Variants in DDX27 observed in about 807,000 individuals in gnomAD.
DDX27 encodes DEAD-box helicase 27.
A neutral mutation model predicts 99.3 loss-of-function variants in DDX27; 42 were observed. That is an observed-to-expected ratio of 0.42 (90% CI 0.33 to 0.55). The LOEUF is 0.55. DDX27 is among the 20% of genes least tolerant of loss of function. The pLI, the probability that DDX27 is intolerant of heterozygous loss-of-function variation, is 0.07. For synonymous variants in DDX27, 329 were observed against 353.8 expected (o/e 0.93, Z 0.79); for missense variants, 798 against 976.8 (o/e 0.82, Z 2.44).
chr20:49,243,978 G>A lies in DDX27; in HGVS notation c.*144G>A, dbSNP rs1568978817. The A allele has an allele frequency of 1.3e-5, 12 of 908,000 alleles. No individual in the cohort carries two copies. The highest frequency in any genetic ancestry group is 2.6e-5 in the East Asian group (1 of 38,020). The allele number at this position is 908,000 out of a possible 1,614,324, so 56.2% of individuals were successfully genotyped here. A position where few individuals can be genotyped will look rare whatever the true frequency, so the allele number is the denominator to read the frequency against. ...ACACTTTGGTGTGGTGGTATGGTAC[G>A]TAGCTATTTTCCTAAGCATGTCTGT... On this transcript the variant is annotated 3_prime_UTR_variant, in exon 21 of 21. Coordinates refer to ENST00000618172, the MANE Select transcript of DDX27 (RefSeq NM_017895.8).
chr20:49,229,330 G>A (rs766336341), intron 8 of DDX27, among the ~76,000 whole-genome samples: 8 of 152,014 alleles, frequency 5.3e-5, no homozygotes, highest in Non-Finnish European at 8.8e-5. Context: ...GCACCCAGCC[G>A]ACATGTTTTC....
chr20:49,239,043 G>T lies in DDX27; in HGVS notation c.1782G>T (p.Gln594His). The T allele has an allele frequency of 6.2e-7, 1 of 1,613,802 alleles. No homozygotes were observed. Residue 594 changes from glutamine (Q) to histidine (H), a missense_variant, in exon 15 of 21, where the codon CAG becomes CAT. Physicochemically the swap from Gln to His is conservative, Grantham distance 24 (BLOSUM62 0). This residue lies in a region of DDX27 where 553 missense variants were observed against 727.9 expected (regional missense o/e 0.76). Transcript: ENST00000618172. ...AGGCGGAGGAAAAAGAGATGCAGCA[G>T]TCAGAAGCCCAGGTGAGGCTGCGAG... ...QLEAEEKEMQQSEAQINTAKR... is the reference protein window; with the variant it reads ...QLEAEEKEMQHSEAQINTAKR...
At chr20:49,239,151 C>T (rs1980396161) in intron 15 of DDX27, 85 bp from the exon 16 acceptor site, 1 of 1,526,676 alleles carries the variant, frequency 6.6e-7, no homozygotes, top group South Asian at 1.1e-5. Flanking sequence ...TTTCTCCCAT[C>T]AGAGCCCCAG....
Position 49,236,284 on chromosome 20 carries a change from C to T in DDX27, c.1510-49C>T, listed in dbSNP as rs763541178. The T allele has an allele frequency of 1.9e-5, 30 of 1,573,474 alleles. 1 individual carries two copies. In the South Asian group the frequency reaches 2.0e-4, roughly 10 times the overall value. The stretch of plus-strand genomic sequence containing the variant: ...TTTGGTGGAAGTCTTTTTGCCTCTT[C>T]GCACCCCCCTTCCCTTGCCAGGCCT... On this transcript the variant is annotated intron_variant, in intron 13 of 20. Transcript: ENST00000618172. This position sits in a 1 kb window ranked among gnomAD's most constrained non-coding sequence, Gnocchi z 4.1.
rs567576278 is a variant in DDX27 at position 49,242,609 on chromosome 20, A to C, written c.2132A>C (p.Gln711Pro). 3 of 1,614,220 alleles carry C rather than the reference A, an allele frequency of 1.9e-6. No homozygotes were observed. The highest frequency in any genetic ancestry group is 2.2e-5 in the East Asian group (1 of 44,886). Residue 711 changes from glutamine to proline, a missense_variant, in exon 19 of 21, where the codon CAG (glutamine) becomes CCG (proline). Around this residue, in one of 2 missense-constraint regions of DDX27, gnomAD observed 553 missense variants for 727.9 expected, o/e 0.76. Transcript: ENST00000618172. ...PVRGPAKKQK[Q>P]GKKSVFDEEL... ...CTGTGCACAGCCAAGAAGCAAAAGC[A>C]GGGGAAGAAATCTGTATTTGATGAA...
rs1207036892 is a variant in DDX27, at chr20:49,236,800, T to G, written c.1687+290T>G. Among the ~76,000 whole-genome samples, 1 of 152,194 alleles carries G rather than the reference T, an allele frequency of 6.6e-6. No individual in the cohort carries two copies. The highest frequency in any genetic ancestry group is 2.4e-5 in the African/African-American group (1 of 41,448). On this transcript the variant is annotated intron_variant, in intron 14 of 20. Transcript: ENST00000618172. This position sits in a 1 kb window ranked among gnomAD's most constrained non-coding sequence, Gnocchi z 4.1. ...CTCACTAAACTCCTCTTTCCCTTAC[T>G]GTTGGTGGTGGGGAAGAGAGAGATC...
intron 2 of DDX27, among the ~76,000 whole-genome samples, 192 bp from the exon 3 acceptor site, chr20:49,222,765 G>A (rs779661540): frequency 2.0e-5 from 3 of 151,674 alleles, no homozygotes; most frequent in African/African-American, 4.8e-5. Context: ...TACCCACCTC[G>A]GCCTCCCAAA....
intron 19 of DDX27, among the ~76,000 whole-genome samples, chr20:49,243,302 GA>G (rs1980542646): frequency 6.6e-6 from 1 of 152,118 alleles, no homozygotes; most frequent in African/African-American, 2.4e-5. Flanking sequence ...CCATCCTGCA[GA>G]ACCCCAGAGA....
chr20:49,221,275 T>G (rs1341997569), intron 1 of DDX27, among the ~76,000 whole-genome samples, 177 bp from the exon 2 acceptor site: 1 of 152,204 alleles, frequency 6.6e-6, no homozygotes, highest in Non-Finnish European at 1.5e-5. Flanking sequence ...GTATTTTTAG[T>G]AGAGACTGCG....
rs115515179 is a variant in DDX27, at chr20:49,242,227, A to G, written c.2116+21A>G. ...TCCTGGTAGGTGAATGGGGAGCCCA[A>G]AGGAGCTTGTACAAGGTTTTCCCTG... On this transcript the variant is annotated intron_variant, in intron 18 of 20. Coordinates refer to ENST00000618172, the MANE Select transcript of DDX27 (RefSeq NM_017895.8). 431 of 1,613,372 alleles carry G rather than the reference A, an allele frequency of 2.7e-4. 1 individual carries two copies. The African/African-American group carries it at 5.1e-3, about 19-fold the overall frequency.
rs767741399 is a variant in DDX27, at chr20:49,223,036, T to C, written c.300+20T>C. ...ACAGAGGTGAGAAGAAAAGTGGCTA[T>C]TTTTCGTTGTTAGGGCCCACTCTTT... is the stretch of plus-strand genomic sequence containing the variant. On this transcript the variant is annotated intron_variant, in intron 3 of 20. Transcript: ENST00000618172. The C allele has an allele frequency of 6.2e-7, 1 of 1,608,114 alleles. No homozygotes were observed. Among genetic ancestry groups the C allele is most frequent in the Admixed American group, 1.7e-5 (1 of 59,342 alleles).
chr20:49,242,829 C>T, intron 19 of DDX27, 148 bp downstream of exon 19: 1 of 748,970 alleles, frequency 1.3e-6, no homozygotes, highest in South Asian at 1.8e-5. Flanking sequence ...TCAAGCAATT[C>T]TCCTGCCTCA....
chr20:49,243,307 C>T (rs1980543021), intron 19 of DDX27, among the ~76,000 whole-genome samples: 1 of 152,120 alleles, frequency 6.6e-6, no homozygotes. Context: ...CTGCAGAACC[C>T]CAGAGAATCC....
intron 16 of DDX27, among the ~76,000 whole-genome samples, 189 bp downstream of exon 16, chr20:49,239,527 C>T (rs988052580): frequency 6.6e-6 from 1 of 152,112 alleles, no homozygotes; most frequent in African/African-American, 2.4e-5. Context: ...AAGGAGTGCA[C>T]ACCCTAGATC....
chr20:49,226,512 G>A lies in DDX27; in HGVS notation c.683G>A (p.Cys228Tyr), dbSNP rs1168127147. The A allele has an allele frequency of 1.9e-6, 3 of 1,614,094 alleles. No homozygotes were observed. The highest frequency in any genetic ancestry group is 2.5e-6 in the Non-Finnish European group (3 of 1,179,986). ...GTGGGTCTATTGGGGAAGGACATCT[G>A]TGCCTGTGCAGCCACTGGGACAGGT... ...IPVGLLGKDI[C>Y]ACAATGTGKT... Residue 228 changes from cysteine to tyrosine, a missense_variant, in exon 7 of 21, where the codon TGT becomes TAT. Coordinates refer to ENST00000618172, the MANE Select transcript of DDX27 (RefSeq NM_017895.8).
intron 19 of DDX27, 92 bp from the exon 20 acceptor site, chr20:49,243,537 C>T: frequency 9.0e-7 from 1 of 1,114,218 alleles, no homozygotes. Context: ...AGAGATGCTA[C>T]TGCTTCATGT....
At position 49,226,437 on chromosome 20, in the gene DDX27, C is replaced by T. The variant is rs771587617; in HGVS notation, c.608C>T (p.Thr203Ile). 2 of 1,613,394 alleles carry T rather than the reference C, an allele frequency of 1.2e-6. No individual in the cohort carries two copies. The highest frequency in any genetic ancestry group is 8.5e-7 in the Non-Finnish European group (1 of 1,179,664). Reference protein sequence around the residue: ...NLSRPLLKAITAMGFKQPTPI... With the variant: ...NLSRPLLKAIIAMGFKQPTPI... ...CAGTTCTTTTTTCCTCAGGCCATTACAGCCATGGGCTTCAAGCAGCCCACC... is the reference window on the plus strand; with the variant it reads ...CAGTTCTTTTTTCCTCAGGCCATTATAGCCATGGGCTTCAAGCAGCCCACC... The change falls in exon 7 of 21, where the codon ACA (threonine) becomes ATA (isoleucine). Residue 203 changes from threonine to isoleucine, a missense_variant. By Grantham distance (89) the Thr-to-Ile change is moderately conservative. Coordinates refer to ENST00000618172, the MANE Select transcript of DDX27 (RefSeq NM_017895.8).
At position 49,222,960 on chromosome 20, in the gene DDX27, G is replaced by A. The variant is rs749566914; in HGVS notation, c.244G>A (p.Ala82Thr). Residue 82 changes from alanine (A) to threonine (T), a missense_variant, in exon 3 of 21, where the codon GCA (alanine) becomes ACA (threonine). This residue lies in a region of DDX27 where 245 missense variants were observed against 248.8 expected (regional missense o/e 0.98). Transcript: ENST00000618172. ...DVMSQLKKKRAATTLDEKIEK... is the reference protein window; with the variant it reads ...DVMSQLKKKRTATTLDEKIEK... ...ACCTCTTTATTTTTATCTGCAGAGG[G>A]CAGCCACTACATTAGATGAGAAGAT... 2.4e-5 allele frequency: 39 copies of A among 1,610,778 alleles called. No homozygotes were observed. The highest frequency in any genetic ancestry group is 6.7e-5 in the African/African-American group (5 of 74,732).
chr20:49,222,545 G>T (rs1979727764), intron 2 of DDX27, among the ~76,000 whole-genome samples: 1 of 150,560 alleles, frequency 6.6e-6, no homozygotes, highest in South Asian at 2.1e-4. Context: ...ACGGAGTTTT[G>T]CTCTTGTTGC....
Sources: allele counts gnomAD v4.1 joint callset (sites outside exome capture counted in the v4.1 genomes callset), GRCh38; gene constraint gnomAD v4.1.1; regional missense constraint gnomAD v4.1.1; non-coding constraint Gnocchi (gnomAD v3.1); transcripts MANE v1.5; gene names NCBI Gene and HGNC (gene_info 2026-07-23, HGNC 2026-07-21).